The following PLTP variants were observed in gnomAD, a reference collection of about 807,000 sequenced individuals.
PLTP encodes BPI fold containing family E.
Under a neutral mutation model 54.1 loss-of-function variants are expected in PLTP, and 43 were observed. The observed-to-expected ratio is 0.79, with a 90% CI of 0.62 to 1.02. The LOEUF (loss-of-function observed/expected upper bound fraction) is 1.02. PLTP is among the 50% of genes least tolerant of loss of function. The probability of loss-of-function intolerance (pLI) is 0.00; values close to 1 mark genes in which losing one functional copy is unlikely to be tolerated. For synonymous variants in PLTP, 263 were observed against 264.6 expected, an observed-to-expected ratio of 0.99 and a Z score of 0.06; for missense variants, 604 against 645.9, an observed-to-expected ratio of 0.94 and a Z score of 0.70.
intron 11 of PLTP, 40 bp downstream of exon 11, chr20:45,902,400 C>T (rs1190581561): frequency 1.2e-6 from 2 of 1,614,098 alleles, no homozygotes. Context: ...CCCATTTTTC[C>T]CTGACCCCCA....
chr20:45,908,701 C>G (rs1329887538), intron 5 of PLTP, among the ~76,000 whole-genome samples: 1 of 151,934 alleles, frequency 6.6e-6, no homozygotes, highest in Admixed American at 6.6e-5. Context: ...ACTTGGGAGG[C>G]TGAGGCAGGA....
In PLTP at chr20:45,902,284, C is replaced by G. The variant is rs146500616; in HGVS notation, c.1158G>C (p.Thr386=). ...KMALRGKALR[T]QLDLRRFRIY... Reference sequence around the variant, plus strand: ...CTGCCTACCTGCGCAGGTCCAGCTGCGTGCGCAGGGCCTTCCCCCGGAGAG... The same window carrying G: ...CTGCCTACCTGCGCAGGTCCAGCTGGGTGCGCAGGGCCTTCCCCCGGAGAG... The change falls in exon 12 of 16, where the codon ACG becomes ACC. Residue 386 remains threonine, a synonymous_variant. Transcript: ENST00000372431. The G allele has an allele frequency of 2.5e-6, 4 of 1,613,932 alleles. No homozygotes were observed. The highest frequency in any genetic ancestry group is 3.4e-6 in the Non-Finnish European group (4 of 1,180,056).
In PLTP at chr20:45,899,874, G is replaced by A. The variant is rs756874726; in HGVS notation, c.1180C>T (p.Arg394Ter). 8 of 1,401,526 alleles carry A rather than the reference G, an allele frequency of 5.7e-6. No homozygotes were observed. The highest frequency in any genetic ancestry group is 4.9e-5 in the Admixed American group (2 of 40,936). 86.8% of individuals were successfully genotyped at this position (1,401,526 alleles called of 1,614,324 possible). ...LRTQLDLRRF[R>*]IYSNHSALES... ...AGTGCAGAATGGTTGGAATAGATTC[G>A]GAACCTGCGGGAAAGAAAGGAGCCC... The change falls in exon 13 of 16, where the codon CGA (arginine) becomes TGA (stop). Residue 394 changes from arginine (R) to a stop codon, truncating the protein, a stop_gained. Coordinates refer to ENST00000372431, the MANE Select transcript of PLTP (RefSeq NM_006227.4). LOFTEE classifies it high-confidence loss of function.
rs752717410 is a variant in PLTP, at chr20:45,911,408, T to A, written c.45A>T (p.Ala15=). 6.2e-7 allele frequency: 1 copy of A among 1,608,932 alleles called. No individual in the cohort carries two copies. Among genetic ancestry groups the A allele is most frequent in the Admixed American group, 1.7e-5 (1 of 60,004 alleles). Residue 15 remains alanine, a synonymous_variant, in exon 2 of 16, where the codon GCA becomes GCT. Transcript: ENST00000372431. The part of the protein sequence containing the change: ...GALFLALLAG[A]HAEFPGCKIR... ...TCTTGCAGCCTGGGAACTCTGCATG[T>A]GCGCCTGCCAGCAGCGCTAGGAAGA...
chr20:45,898,939 G>A lies in PLTP; in HGVS notation c.*2C>T, dbSNP rs1188384802. ...ACAGCTGCCAGCTTGGGGATTGAGG[G>A]CTCAGACAGCTGCTGTGGACGGTGT... On this transcript the variant is annotated 3_prime_UTR_variant, in exon 16 of 16. Coordinates refer to ENST00000372431, the MANE Select transcript of PLTP (RefSeq NM_006227.4). The surrounding 1 kb of genome is among the most constrained non-coding windows in gnomAD (Gnocchi z 4.6). 1.2e-6 allele frequency: 2 copies of A among 1,613,910 alleles called. No individual in the cohort carries two copies. The highest frequency in any genetic ancestry group is 2.2e-5 in the South Asian group (2 of 91,060).
chr20:45,899,145 C>T (rs541785726), intron 15 of PLTP, 82 bp from the exon 16 acceptor site: 16 of 1,567,918 alleles, frequency 1.0e-5, no homozygotes, highest in South Asian at 3.3e-5. Context: ...GAGTGTTTGT[C>T]TTTCAGGAAC....
chr20:45,901,486 C>G (rs1044478534), intron 12 of PLTP, among the ~76,000 whole-genome samples: 13 of 152,000 alleles, frequency 8.6e-5, no homozygotes, highest in African/African-American at 3.1e-4. Flanking sequence ...CCCAGTTACT[C>G]GGGAGGCTGA....
chr20:45,905,635 C>T (rs1568774590), intron 8 of PLTP, among the ~76,000 whole-genome samples: 1 of 152,178 alleles, frequency 6.6e-6, no homozygotes, highest in Non-Finnish European at 1.5e-5. Context: ...AGAAGGAGGT[C>T]TCACTATGAT....
chr20:45,911,107 C>T, intron 3 of PLTP, 45 bp downstream of exon 3: 2 of 1,610,090 alleles, frequency 1.2e-6, no homozygotes, highest in Non-Finnish European at 1.7e-6. Context: ...CCGCCTCCAC[C>T]GCCGAGGCCC....
chr20:45,911,612 A>G, intron 1 of PLTP, 149 bp from the exon 2 acceptor site: 2 of 1,078,504 alleles, frequency 1.9e-6, no homozygotes, highest in Non-Finnish European at 2.7e-6. Flanking sequence ...TCCATATGGC[A>G]GATGTGGAAA....
At chr20:45,905,838 C>T (rs777014827) in intron 8 of PLTP, among the ~76,000 whole-genome samples, 7 of 152,216 alleles carry the variant, frequency 4.6e-5, no homozygotes, top group South Asian at 2.1e-4. Flanking sequence ...GGGCAAGTGA[C>T]GTCACCTCTA....
intron 7 of PLTP, among the ~76,000 whole-genome samples, chr20:45,906,764 G>A (rs1258930026): frequency 7.7e-6 from 1 of 130,112 alleles, no homozygotes; most frequent in African/African-American, 2.5e-5. Context: ...GGTGGTGGGC[G>A]CCTGTAATCC....
intron 7 of PLTP, among the ~76,000 whole-genome samples, chr20:45,906,611 C>T (rs555453143): frequency 2.6e-5 from 4 of 151,900 alleles, no homozygotes; most frequent in African/African-American, 4.8e-5. Context: ...ATGGGGGGGC[C>T]GCGCATGGTG....
chr20:45,902,548 C>A lies in PLTP; in HGVS notation c.999G>T (p.Pro333=). Reference sequence around the variant, plus strand: ...TGCCAGAGGGCTTGATGGTGCAGCGCGGTGGGGCCAGGACCCGCAGCTCCA... The same window carrying A: ...TGCCAGAGGGCTTGATGGTGCAGCGAGGTGGGGCCAGGACCCGCAGCTCCA... ...LKLELRVLAP[P]RCTIKPSGTT... The change falls in exon 11 of 16, where the codon CCG becomes CCT. Residue 333 remains proline (P), a synonymous_variant. Coordinates refer to ENST00000372431, the MANE Select transcript of PLTP (RefSeq NM_006227.4). The A allele has an allele frequency of 6.2e-7, 1 of 1,614,010 alleles. No individual in the cohort carries two copies. The highest frequency in any genetic ancestry group is 8.5e-7 in the Non-Finnish European group (1 of 1,179,910).
Position 45,906,328 on chromosome 20 carries a change from A to G in PLTP, c.645T>C (p.Ile215=). The G allele has an allele frequency of 1.2e-6, 2 of 1,614,078 alleles. No individual in the cohort carries two copies. Among genetic ancestry groups the G allele is most frequent in the South Asian group, 1.1e-5 (1 of 91,066 alleles). ...VRSSVDELVG[I]DYSLMKDPVA... ...CAGGATCCTTCATGAGGGAATAGTC[A>G]ATGCCAACAAGCTCGTCCACAGAAC... is the stretch of plus-strand genomic sequence containing the variant. The change falls in exon 8 of 16, where the codon ATT becomes ATC. Residue 215 remains isoleucine, a synonymous_variant. Coordinates refer to ENST00000372431, the MANE Select transcript of PLTP (RefSeq NM_006227.4).
chr20:45,910,732 C>G (rs1176530607), intron 3 of PLTP: 2 of 746,852 alleles, frequency 2.7e-6, no homozygotes, highest in Admixed American at 4.6e-5. Flanking sequence ...ACCTAAGCTC[C>G]GTCTCACATC....
At position 45,898,912 on chromosome 20, in the gene PLTP, T is replaced by C; in HGVS notation, c.*29A>G. 6.2e-7 allele frequency: 1 copy of C among 1,611,698 alleles called. No homozygotes were observed. The highest frequency in any genetic ancestry group is 1.1e-5 in the South Asian group (1 of 90,952). ...GGCTGAGAGGGGTTGGGGTCCTGAA[T>C]GACAGCTGCCAGCTTGGGGATTGAG... On this transcript the variant is annotated 3_prime_UTR_variant, in exon 16 of 16. Coordinates refer to ENST00000372431, the MANE Select transcript of PLTP (RefSeq NM_006227.4). The surrounding 1 kb of genome is among the most constrained non-coding windows in gnomAD (Gnocchi z 4.6).
intron 12 of PLTP, among the ~76,000 whole-genome samples, chr20:45,901,834 G>T (rs2083187144): frequency 6.6e-6 from 1 of 151,150 alleles, no homozygotes; most frequent in South Asian, 2.1e-4. Flanking sequence ...GGGAGGCAGA[G>T]GTGGCAGTGA....
rs138807551 is a variant in PLTP, at chr20:45,909,604, G to A, written c.397C>T (p.Arg133Trp). Reference sequence around the variant, plus strand: ...ACTTTCATCCGTCCAGCGGGATCCCGGGAGAGCTCCAGACCAGTGCGGATG... The same window carrying A: ...ACTTTCATCCGTCCAGCGGGATCCCAGGAGAGCTCCAGACCAGTGCGGATG... ...VSIRTGLELS[R>W]DPAGRMKVSN... Residue 133 changes from arginine (R) to tryptophan (W), a missense_variant, in exon 5 of 16, where the codon CGG becomes TGG. Arg to Trp is a moderately radical substitution (Grantham distance 101). Transcript: ENST00000372431. The A allele has an allele frequency of 4.5e-4, 733 of 1,614,006 alleles. No homozygotes were observed. The highest frequency in any genetic ancestry group is 5.8e-4 in the Non-Finnish European group (689 of 1,180,006).
Sources: allele counts gnomAD v4.1 joint callset (sites outside exome capture counted in the v4.1 genomes callset), GRCh38; gene constraint gnomAD v4.1.1; non-coding constraint Gnocchi (gnomAD v3.1); transcripts MANE v1.5; gene names NCBI Gene and HGNC (gene_info 2026-07-23, HGNC 2026-07-21).